The following RBFOX1 variants were observed in gnomAD, a reference collection of about 807,000 sequenced individuals.
RBFOX1 encodes RNA binding protein fox-1 homolog 1.
In RBFOX1, 8 loss-of-function variants were observed where a neutral mutation model predicts 57.7. That is an observed-to-expected ratio of 0.14 (90% CI 0.08 to 0.25). The LOEUF (loss-of-function observed/expected upper bound fraction) is 0.25, where lower values mean the gene tolerates loss of function less well. RBFOX1 is among the 10% of genes least tolerant of loss of function. The pLI is 1.00. For missense variants in RBFOX1, 611 were observed against 548.5 expected, an observed-to-expected ratio of 1.11 and a Z score of -1.14; for synonymous variants, 326 against 222.4, an observed-to-expected ratio of 1.47 and a Z score of -4.15.
chr16:6,724,528 A>T (rs2066731990), intron 3 of RBFOX1, among the ~76,000 whole-genome samples: 1 of 152,074 alleles, frequency 6.6e-6, no homozygotes, highest in Non-Finnish European at 1.5e-5. Flanking sequence ...GTGGACGAGG[A>T]AGCAGGCCCT....
rs569811203 is a variant in RBFOX1 at position 6,042,574 on chromosome 16, T to C, written c.-127+22582T>C. ...TTTTGGGAATAGGAGGTAGAGATCT[T>C]TGGGAATGTTGATTAAAAAAAGAAA... On this transcript the variant is annotated intron_variant, in intron 1 of 15. Transcript: ENST00000550418. 7.2e-4 allele frequency among the ~76,000 whole-genome samples: 110 copies of C among 152,196 alleles called. 1 individual carries two copies. The highest frequency in any genetic ancestry group is 1.4e-3 in the Admixed American group (22 of 15,294).
intron 1 of RBFOX1, among the ~76,000 whole-genome samples, chr16:5,304,711 C>T (rs975136700): frequency 7.2e-5 from 11 of 152,212 alleles, no homozygotes; most frequent in Admixed American, 5.9e-4. Context: ...AAATAAGACT[C>T]ATAAACATAC....
chr16:6,052,103 A>G (rs972299995), intron 1 of RBFOX1, among the ~76,000 whole-genome samples: 5 of 152,170 alleles, frequency 3.3e-5, no homozygotes, highest in African/African-American at 1.2e-4. Context: ...TGGTCCTGCC[A>G]TGCCCTTGTT....
At chr16:7,464,619 T>G (rs1308143926) in intron 4 of RBFOX1, among the ~76,000 whole-genome samples, 1 of 151,720 alleles carries the variant, frequency 6.6e-6, no homozygotes, top group East Asian at 1.9e-4. Flanking sequence ...AGGCAATATC[T>G]ACAATGTCCT....
chr16:6,299,428 TA>T (rs2078532016), intron 1 of RBFOX1, among the ~76,000 whole-genome samples: 2 of 152,182 alleles, frequency 1.3e-5, no homozygotes, highest in Non-Finnish European at 2.9e-5. Context: ...ACTTCCATAT[TA>T]CGGGTGTAAA....
rs34056673 is a variant in RBFOX1 at position 7,023,564 on chromosome 16, T to TAAAAAAAAAAAAAA, written c.-15-28476_-15-28463dup. ...CAACATGGTGAAACTTCGTCTGTACTAAAAAAAAAAAAAAAAAAAAAAAAA... is the reference window on the plus strand; with the variant it reads ...CAACATGGTGAAACTTCGTCTGTACTAAAAAAAAAAAAAAAAAAAAAAAAAAAAAAAAAAAAAAA... On this transcript the variant is annotated intron_variant, in intron 3 of 15. Coordinates refer to ENST00000550418, the MANE Select transcript of RBFOX1 (RefSeq NM_018723.4). 4.3e-4 allele frequency among the ~76,000 whole-genome samples: 19 copies of TAAAAAAAAAAAAAA among 43,928 alleles called. 2 individuals are homozygous for TAAAAAAAAAAAAAA. The highest frequency in any genetic ancestry group is 6.3e-4 in the African/African-American group (7 of 11,190). The allele number at this position is 43,928 out of a possible 152,430, so 28.8% of individuals were successfully genotyped here. A position where few individuals can be genotyped will look rare whatever the true frequency, so the allele number is the denominator to read the frequency against.
At chr16:5,248,672 G>A (rs2062365799) in intron 1 of RBFOX1, among the ~76,000 whole-genome samples, 1 of 152,086 alleles carries the variant, frequency 6.6e-6, no homozygotes, top group African/African-American at 2.4e-5. Context: ...GCTGTTCGGG[G>A]GAGACTGCAA....
intron 11 of RBFOX1, among the ~76,000 whole-genome samples, chr16:7,648,987 T>G (rs1055367103): frequency 1.3e-5 from 2 of 152,184 alleles, no homozygotes; most frequent in African/African-American, 4.8e-5. Flanking sequence ...GGATTGTGAC[T>G]AAGTTTCAGT....
intron 10 of RBFOX1, among the ~76,000 whole-genome samples, chr16:7,618,137 G>T (rs1301688796): frequency 6.6e-6 from 1 of 152,102 alleles, no homozygotes; most frequent in East Asian, 1.9e-4. Context: ...TCTAGAGAAA[G>T]GTTGCATAAG....
At chr16:6,558,153 A>G (rs1056546843) in intron 2 of RBFOX1, among the ~76,000 whole-genome samples, 1 of 152,180 alleles carries the variant, frequency 6.6e-6, no homozygotes. Context: ...TCGGTTGCCC[A>G]GAAGCCTGGG....
At position 6,803,751 on chromosome 16, in the gene RBFOX1, C is replaced by G. The variant is rs1434692825; in HGVS notation, c.-16+149101C>G. On this transcript the variant is annotated intron_variant, in intron 3 of 15. Transcript: ENST00000550418. ...CTTGCTTAAGAGTAATTCTGAGAAT[C>G]TATTACTTGTGAGAGAATAAGATTC... 1.3e-5 allele frequency among the ~76,000 whole-genome samples: 2 copies of G among 152,178 alleles called. 1 individual carries two copies. Among genetic ancestry groups the G allele is most frequent in the African/African-American group, 4.8e-5 (2 of 41,444 alleles).
intron 3 of RBFOX1, among the ~76,000 whole-genome samples, chr16:5,804,707 G>A (rs1323503433): frequency 6.6e-6 from 1 of 152,166 alleles, no homozygotes; most frequent in Admixed American, 6.5e-5. Flanking sequence ...CTTTCAGCAA[G>A]TTGGTCCTGG....
At chr16:7,523,893 T>C (rs1287447728) in intron 5 of RBFOX1, among the ~76,000 whole-genome samples, 1 of 152,288 alleles carries the variant, frequency 6.6e-6, no homozygotes, top group Non-Finnish European at 1.5e-5. Context: ...CCTCCTACAT[T>C]TATGGGGTGT....
At chr16:7,264,803 C>G (rs559700126) in intron 4 of RBFOX1, among the ~76,000 whole-genome samples, 1 of 152,084 alleles carries the variant, frequency 6.6e-6, no homozygotes, top group African/African-American at 2.4e-5. Flanking sequence ...TTTGCCAGCC[C>G]TGGTCCAAAC....
At chr16:6,462,770 C>G (rs993398834) in intron 2 of RBFOX1, among the ~76,000 whole-genome samples, 1 of 148,872 alleles carries the variant, frequency 6.7e-6, no homozygotes. Flanking sequence ...CTGAACAACA[C>G]TGGATGTTAG....
In RBFOX1 at chr16:7,217,455, C is replaced by T. The variant is rs574781007; in HGVS notation, c.27+165357C>T. ...GGAAAACTACAGCAGGATTTATGAG[C>T]GAAAGCAACCAGTGAATATTTGGAA... is the stretch of plus-strand genomic sequence containing the variant. On this transcript the variant is annotated intron_variant, in intron 4 of 15. Transcript: ENST00000550418. Among the ~76,000 whole-genome samples, 77 of 151,800 alleles carry T rather than the reference C, an allele frequency of 5.1e-4. 3 individuals are homozygous for T. In the South Asian group the frequency reaches 0.016, roughly 32 times the overall value.
chr16:5,349,183 C>A (rs1278322032), intron 1 of RBFOX1, among the ~76,000 whole-genome samples: 1 of 152,162 alleles, frequency 6.6e-6, no homozygotes. Context: ...GGAAGTAAAC[C>A]AATCACCGAA....
intron 2 of RBFOX1, among the ~76,000 whole-genome samples, chr16:6,589,756 A>G (rs951923600): frequency 1.6e-4 from 24 of 152,222 alleles, no homozygotes; most frequent in Non-Finnish European, 2.2e-4. Flanking sequence ...TTGTTTCAAA[A>G]TTAAACTATA....
chr16:5,390,420 C>G (rs1468759935), intron 1 of RBFOX1, among the ~76,000 whole-genome samples: 1 of 150,674 alleles, frequency 6.6e-6, no homozygotes, highest in Non-Finnish European at 1.5e-5. Flanking sequence ...TCCTGAGTAG[C>G]TGGGATTACA....
Sources: gnomAD v4.1 joint callset for allele counts (sites outside exome capture counted in the v4.1 genomes callset) on GRCh38, gnomAD v4.1.1 for gene constraint, MANE v1.5 for transcripts, NCBI Gene and HGNC (gene_info 2026-07-23, HGNC 2026-07-21) for gene names.